The following ADGRG1 variants were observed in gnomAD, a reference collection of about 807,000 sequenced individuals.
ADGRG1 encodes adhesion G protein-coupled receptor G1.
Under a neutral mutation model 73.5 loss-of-function variants are expected in ADGRG1, and 53 were observed. The ratio of observed to expected loss-of-function variants is 0.72; its 90% CI spans 0.58 to 0.91. ADGRG1 has a LOEUF of 0.91. Among genes scored for constraint, ADGRG1 ranks in the 40% least tolerant of loss-of-function variants. The probability of loss-of-function intolerance (pLI) is 0.00; values close to 1 mark genes in which losing one functional copy is unlikely to be tolerated. For synonymous variants in ADGRG1, 394 were observed against 374.4 expected (o/e 1.05, Z -0.60); for missense variants, 795 against 871.8 (o/e 0.91, Z 1.11).
At position 57,663,575 on chromosome 16, in the gene ADGRG1, G is replaced by C; in HGVS notation, c.2057G>C (p.Arg686Pro). ...AGCTCGGGCAGCACCTCGTCCAGCC[G>C]CATCTAGGCCTCCAGCCCACCTGCC... Reference protein sequence around the residue: ...PISSGSTSSSRI With the variant: ...PISSGSTSSSPI The change falls in exon 14 of 14, where the codon CGC becomes CCC. Residue 686 changes from arginine to proline, a missense_variant. By Grantham distance (103) the Arg-to-Pro change is moderately radical. Transcript: ENST00000562631. 6.2e-7 allele frequency: 1 copy of C among 1,613,186 alleles called. No homozygotes were observed. Among genetic ancestry groups the C allele is most frequent in the Non-Finnish European group, 8.5e-7 (1 of 1,179,948 alleles).
chr16:57,634,959 A>T (rs1194053673), intron 1 of ADGRG1: 1 of 985,256 alleles, frequency 1.0e-6, no homozygotes, highest in Non-Finnish European at 1.2e-6. Flanking sequence ...CCACCATGAA[A>T]GCCATGAATG....
chr16:57,646,544 C>T, intron 1 of ADGRG1: 1 of 985,454 alleles, frequency 1.0e-6, no homozygotes, highest in African/African-American at 1.7e-5. Context: ...GTTGTGGGGG[C>T]TTCCTTGGGC....
chr16:57,644,071 G>T, intron 1 of ADGRG1: 1 of 985,366 alleles, frequency 1.0e-6, no homozygotes, highest in Non-Finnish European at 1.2e-6. Flanking sequence ...CACCATGGAG[G>T]AAACACCTGC....
At chr16:57,629,707 G>A (rs12148986) in intron 1 of ADGRG1, among the ~76,000 whole-genome samples, 69,176 of 152,070 alleles carry the variant, frequency 0.45, 16,873 homozygotes, top group African/African-American at 0.65. Flanking sequence ...ACGGGGAAGC[G>A]CAGGCTGCGG....
chr16:57,625,718 C>T, upstream of ADGRG1: 2 of 935,888 alleles, frequency 2.1e-6, no homozygotes, highest in Non-Finnish European at 2.5e-6. Context: ...GAGGGCTAAT[C>T]AGGCCTCTCC....
intron 12 of ADGRG1, chr16:57,661,145 G>T: frequency 2.9e-6 from 1 of 341,560 alleles, no homozygotes; most frequent in East Asian, 1.7e-4. Flanking sequence ...GGTATGGGTT[G>T]GAGCAGATGA....
At chr16:57,635,994 A>G in intron 1 of ADGRG1, 1 of 985,318 alleles carries the variant, frequency 1.0e-6, no homozygotes, top group Middle Eastern at 5.2e-4. Context: ...TCTGCAGACT[A>G]GTCCTCGGGA....
chr16:57,651,979 G>A (rs2044214827), intron 3 of ADGRG1: 2 of 1,241,590 alleles, frequency 1.6e-6, no homozygotes, highest in Non-Finnish European at 2.0e-6. Flanking sequence ...TGAAGATCAA[G>A]AGCCCCAGGA....
Position 57,660,778 on chromosome 16 carries a change from C to A in ADGRG1, c.1566C>A (p.Ile522=). ...CATTGCCACCCTCAGGCTTCCCCATCTTTCTGGTGACGCTGGTGGCCCTGG... is the reference window on the plus strand; with the variant it reads ...CATTGCCACCCTCAGGCTTCCCCATATTTCTGGTGACGCTGGTGGCCCTGG... ...KLSAMGWGFP[I]FLVTLVALVD... Residue 522 remains isoleucine, a synonymous_variant, in exon 12 of 14, where the codon ATC becomes ATA. Coordinates refer to ENST00000562631, the MANE Select transcript of ADGRG1 (RefSeq NM_201525.4). 6.2e-7 allele frequency: 1 copy of A among 1,610,140 alleles called. No homozygotes were observed.
intron 1 of ADGRG1, chr16:57,630,594 C>T (rs978170343): frequency 4.4e-6 from 4 of 918,292 alleles, no homozygotes; most frequent in Non-Finnish European, 5.2e-6. Context: ...GGCTGTGTCC[C>T]GGCCTGGGCC....
At chr16:57,637,434 T>A (rs1250606800) in intron 1 of ADGRG1, 2 of 985,172 alleles carry the variant, frequency 2.0e-6, no homozygotes, top group African/African-American at 3.5e-5. Flanking sequence ...GCCAAGTGTA[T>A]GTAAAAGGCG....
rs2045705821 is a variant in ADGRG1, at chr16:57,656,272, G to A, written c.1063+1G>A. The A allele has an allele frequency of 6.2e-7, 1 of 1,612,960 alleles. No homozygotes were observed. The highest frequency in any genetic ancestry group is 8.5e-7 in the Non-Finnish European group (1 of 1,179,322). ...GTGTTCTGGGTTGAAGACCCCACAT[G>A]TGAGTATGCAGGGGTCTCTGGGCTG... On this transcript the variant is annotated splice_donor_variant, in intron 8 of 13. Coordinates refer to ENST00000562631, the MANE Select transcript of ADGRG1 (RefSeq NM_201525.4). LOFTEE classifies it high-confidence loss of function.
Position 57,660,876 on chromosome 16 carries a change from T to C in ADGRG1, c.1664T>C (p.Met555Thr). The C allele has an allele frequency of 6.6e-7, 1 of 1,519,604 alleles. No homozygotes were observed. The highest frequency in any genetic ancestry group is 9.1e-7 in the Non-Finnish European group (1 of 1,094,052). 94.1% of individuals were successfully genotyped at this position (1,519,604 alleles called of 1,614,324 possible). The change falls in exon 12 of 14, where the codon ATG (methionine) becomes ACG (threonine). Residue 555 changes from methionine (M) to threonine (T), a missense_variant and splice_region_variant. Met to Thr is a moderately conservative substitution (Grantham distance 81). Coordinates refer to ENST00000562631, the MANE Select transcript of ADGRG1 (RefSeq NM_201525.4). ...RTPEGVIYPS[M>T]CWIRDSLVSY... Reference sequence around the variant, plus strand: ...CCAGAGGGCGTCATCTACCCTTCCATGTGAGTGGCTGTGTGCAATGGGGGC... The same window carrying C: ...CCAGAGGGCGTCATCTACCCTTCCACGTGAGTGGCTGTGTGCAATGGGGGC...
At chr16:57,634,269 G>T in intron 1 of ADGRG1, 1 of 985,358 alleles carries the variant, frequency 1.0e-6, no homozygotes, top group Non-Finnish European at 1.2e-6. Context: ...GTGGCAGGGG[G>T]TCAGACAACT....
At chr16:57,643,393 C>G (rs2041346995) in intron 1 of ADGRG1, 1 of 187,622 alleles carries the variant, frequency 5.3e-6, no homozygotes, top group Non-Finnish European at 9.9e-6. Context: ...CTTGGAGTCC[C>G]TTCCTATGAG....
intron 1 of ADGRG1, chr16:57,643,240 G>C (rs1462331780): frequency 6.6e-6 from 1 of 152,312 alleles, no homozygotes; most frequent in African/African-American, 2.4e-5. Flanking sequence ...CAAAGGCTTG[G>C]AGGTGGGAGC....
chr16:57,634,013 C>G, intron 1 of ADGRG1: 3 of 910,674 alleles, frequency 3.3e-6, no homozygotes, highest in Non-Finnish European at 3.9e-6. Context: ...TGAGCTGGAG[C>G]CATTACCCAC....
In ADGRG1 at chr16:57,661,735, A is replaced by G. The variant is rs771219072; in HGVS notation, c.1703A>G (p.Asn568Ser). The G allele has an allele frequency of 3.1e-6, 5 of 1,613,976 alleles. No individual in the cohort carries two copies. The South Asian group carries it at 3.3e-5, about 11-fold the overall frequency. The change falls in exon 13 of 14, where the codon AAC becomes AGC. Residue 568 changes from asparagine (N) to serine (S), a missense_variant. Coordinates refer to ENST00000562631, the MANE Select transcript of ADGRG1 (RefSeq NM_201525.4). ...GACTCCCTGGTCAGCTACATCACCAACCTGGGCCTCTTCAGCCTGGTGTTT... is the reference window on the plus strand; with the variant it reads ...GACTCCCTGGTCAGCTACATCACCAGCCTGGGCCTCTTCAGCCTGGTGTTT... ...IRDSLVSYIT[N>S]LGLFSLVFLF...
Position 57,651,595 on chromosome 16 carries a change from G to C in ADGRG1, c.460G>C (p.Ala154Pro), listed in dbSNP as rs745880131. Residue 154 changes from alanine (A) to proline (P), a missense_variant, in exon 3 of 14, where the codon GCC becomes CCC. Ala to Pro is a conservative substitution (Grantham distance 27). Coordinates refer to ENST00000562631, the MANE Select transcript of ADGRG1 (RefSeq NM_201525.4). The stretch of plus-strand genomic sequence containing the variant: ...CCCTCAGAACATCAGCCTGCCCAGT[G>C]CCGCCAGCTTCACCTTCTCCTTCCA... ...WSPQNISLPS[A>P]ASFTFSFHSP... The C allele has an allele frequency of 6.2e-7, 1 of 1,613,942 alleles. No individual in the cohort carries two copies. The highest frequency in any genetic ancestry group is 1.1e-5 in the South Asian group (1 of 91,088).
Sources: allele counts gnomAD v4.1 joint callset (sites outside exome capture counted in the v4.1 genomes callset), GRCh38; gene constraint gnomAD v4.1.1; transcripts MANE v1.5; gene names NCBI Gene and HGNC (gene_info 2026-07-23, HGNC 2026-07-21).